Variants in PXDNL observed in about 807,000 individuals in gnomAD.
The protein encoded by PXDNL is probable oxidoreductase PXDNL.
A neutral mutation model predicts 150.8 loss-of-function variants in PXDNL; 145 were observed. That is an observed-to-expected ratio of 0.96 (90% CI 0.84 to 1.10). The LOEUF (loss-of-function observed/expected upper bound fraction) is 1.10, where lower values mean the gene tolerates loss of function less well. PXDNL is among the 50% of genes least tolerant of loss of function. The pLI, the probability that PXDNL is intolerant of heterozygous loss-of-function variation, is 0.00. For synonymous variants in PXDNL, 757 were observed against 725.7 expected (o/e 1.04, Z -0.69); for missense variants, 2,087 against 1,873.9 (o/e 1.11, Z -2.10).
intron 1 of PXDNL, among the ~76,000 whole-genome samples, chr8:51,781,490 C>A (rs1022194482): frequency 9.9e-5 from 15 of 152,184 alleles, no homozygotes; most frequent in Admixed American, 9.8e-4. Context: ...CTGGGAACAC[C>A]TCAGTTTTCC....
intron 3 of PXDNL, among the ~76,000 whole-genome samples, chr8:51,568,683 G>A (rs1350013866): frequency 1.3e-5 from 2 of 151,710 alleles, no homozygotes; most frequent in African/African-American, 4.8e-5. Context: ...TACTTCAAAT[G>A]TTTTTTCTTC....
At chr8:51,413,529 G>C (rs1233796861) in intron 14 of PXDNL, among the ~76,000 whole-genome samples, 1 of 151,936 alleles carries the variant, frequency 6.6e-6, no homozygotes, top group East Asian at 1.9e-4. Flanking sequence ...ATTTCCTTTT[G>C]AACAATGCTG....
At chr8:51,451,206 G>A (rs1436744526) in intron 10 of PXDNL, among the ~76,000 whole-genome samples, 1 of 151,888 alleles carries the variant, frequency 6.6e-6, no homozygotes, top group Non-Finnish European at 1.5e-5. Context: ...AGCCAAGTCT[G>A]TGTGAAAAGA....
At position 51,693,866 on chromosome 8, in the gene PXDNL, C is replaced by T. The variant is rs182742319; in HGVS notation, c.165-39106G>A. Among the ~76,000 whole-genome samples, 88 of 152,350 alleles carry T rather than the reference C, an allele frequency of 5.8e-4. No homozygotes were observed. In the East Asian group the frequency reaches 7.5e-3, roughly 13 times the overall value. On this transcript the variant is annotated intron_variant, in intron 1 of 22. Coordinates refer to ENST00000356297, the MANE Select transcript of PXDNL (RefSeq NM_144651.5). ...TACATAGACTATAAATGACACAAAACATCTTTCATTGTTGATAGGTATGTG... is the reference window on the plus strand; with the variant it reads ...TACATAGACTATAAATGACACAAAATATCTTTCATTGTTGATAGGTATGTG...
intron 1 of PXDNL, among the ~76,000 whole-genome samples, chr8:51,692,994 T>C (rs1437047412): frequency 6.6e-6 from 1 of 152,242 alleles, no homozygotes; most frequent in Admixed American, 6.5e-5. Flanking sequence ...GCTTCAATCA[T>C]TATTCTTGCT....
intron 17 of PXDNL, among the ~76,000 whole-genome samples, chr8:51,376,113 G>C (rs1170534748): frequency 6.6e-6 from 1 of 152,120 alleles, no homozygotes; most frequent in Non-Finnish European, 1.5e-5. Context: ...CCCATAATGA[G>C]TACACGGAAT....
chr8:51,757,395 G>A (rs2037113799), intron 1 of PXDNL, among the ~76,000 whole-genome samples: 1 of 152,202 alleles, frequency 6.6e-6, no homozygotes, highest in African/African-American at 2.4e-5. Flanking sequence ...TGCACCCGTG[G>A]CTGGTTCTGG....
chr8:51,542,633 A>T (rs988213353), intron 4 of PXDNL, among the ~76,000 whole-genome samples: 6 of 151,978 alleles, frequency 3.9e-5, no homozygotes, highest in Non-Finnish European at 2.9e-5. Flanking sequence ...ATATGGTGAA[A>T]CTCTGTCTCT....
intron 12 of PXDNL, among the ~76,000 whole-genome samples, chr8:51,436,795 G>A (rs1809418031): frequency 6.6e-6 from 1 of 151,842 alleles, no homozygotes; most frequent in African/African-American, 2.4e-5. Context: ...ACACCTCAAG[G>A]AACTAGAGAA....
At chr8:51,604,875 T>C (rs1408343659) in intron 2 of PXDNL, among the ~76,000 whole-genome samples, 1 of 150,664 alleles carries the variant, frequency 6.6e-6, no homozygotes, top group Non-Finnish European at 1.5e-5. Context: ...GTATTAGGAA[T>C]ATACATCATC....
At chr8:51,387,352 G>A (rs1807749389) in intron 17 of PXDNL, among the ~76,000 whole-genome samples, 1 of 152,200 alleles carries the variant, frequency 6.6e-6, no homozygotes, top group African/African-American at 2.4e-5. Context: ...AGGTGGGCAT[G>A]CTCCAGTGAG....
intron 2 of PXDNL, among the ~76,000 whole-genome samples, chr8:51,638,476 C>T (rs200248934): frequency 2.0e-5 from 3 of 151,946 alleles, no homozygotes; most frequent in African/African-American, 7.3e-5. Context: ...CAGAGACACA[C>T]ATAGGCTCAA....
rs557923621 is a variant in PXDNL, at chr8:51,773,024, A to G, written c.164+36157T>C. The stretch of plus-strand genomic sequence containing the variant: ...GATCTAGAGTTTCAAAGATAGATGT[A>G]GCCTGGAATATGAAGAGAAAGGGCT... On this transcript the variant is annotated intron_variant, in intron 1 of 22. Coordinates refer to ENST00000356297, the MANE Select transcript of PXDNL (RefSeq NM_144651.5). Among the ~76,000 whole-genome samples, 3 of 152,378 alleles carry G rather than the reference A, an allele frequency of 2.0e-5. No individual in the cohort carries two copies. In the South Asian group the frequency reaches 6.2e-4, roughly 32 times the overall value.
intron 1 of PXDNL, among the ~76,000 whole-genome samples, chr8:51,782,575 A>G (rs947958683): frequency 1.3e-5 from 2 of 152,214 alleles, no homozygotes; most frequent in African/African-American, 4.8e-5. Context: ...TATTTGTTGA[A>G]CAAATTGTTC....
chr8:51,619,800 GCAAGAA>G (rs138457993), intron 2 of PXDNL, among the ~76,000 whole-genome samples: 3,476 of 152,192 alleles, frequency 0.023, 112 homozygotes, highest in African/African-American at 0.079. Flanking sequence ...TTATAGTAGT[GCAAGAA>G]CAAACTAATA....
At chr8:51,708,733 G>A (rs997914928) in intron 1 of PXDNL, among the ~76,000 whole-genome samples, 2 of 152,184 alleles carry the variant, frequency 1.3e-5, no homozygotes, top group African/African-American at 4.8e-5. Context: ...ACGTTGAACT[G>A]AGAGGAGACC....
chr8:51,669,160 AAG>A (rs994810693), intron 1 of PXDNL, among the ~76,000 whole-genome samples: 7 of 152,352 alleles, frequency 4.6e-5, no homozygotes, highest in African/African-American at 1.7e-4. Context: ...ATTATGCTGA[AAG>A]AAATTTTGTT....
Position 51,514,296 on chromosome 8 carries a change from T to C in PXDNL, c.381-14526A>G, listed in dbSNP as rs541272851. On this transcript the variant is annotated intron_variant, in intron 4 of 22. Coordinates refer to ENST00000356297, the MANE Select transcript of PXDNL (RefSeq NM_144651.5). ...TGTATGAAATAGTTAATGAATAAAA[T>C]TGCAAAAAAGACTATATTGTTTCAG... Among the ~76,000 whole-genome samples, 23 of 152,192 alleles carry C rather than the reference T, an allele frequency of 1.5e-4. No homozygotes were observed. The East Asian group carries it at 3.1e-3, about 20-fold the overall frequency.
chr8:51,386,734 T>C (rs1225461136), intron 17 of PXDNL, among the ~76,000 whole-genome samples: 1 of 151,910 alleles, frequency 6.6e-6, no homozygotes, highest in African/African-American at 2.4e-5. Context: ...GAAAAATTGC[T>C]TGAACCCAGG....
Sources: gnomAD v4.1 joint callset for allele counts (sites outside exome capture counted in the v4.1 genomes callset) on GRCh38, gnomAD v4.1.1 for gene constraint, MANE v1.5 for transcripts, NCBI Gene and HGNC (gene_info 2026-07-23, HGNC 2026-07-21) for gene names.